The following PTPRD variants were observed in gnomAD, a reference collection of about 807,000 sequenced individuals.
PTPRD encodes protein tyrosine phosphatase receptor type D, also known as receptor-type tyrosine-protein phosphatase delta.
A neutral mutation model predicts 214.5 loss-of-function variants in PTPRD; 34 were observed. That is an observed-to-expected ratio of 0.16 (90% CI 0.12 to 0.21). The LOEUF (loss-of-function observed/expected upper bound fraction) is 0.21, where lower values mean the gene tolerates loss of function less well. Among genes scored for constraint, PTPRD ranks in the 10% least tolerant of loss-of-function variants. PTPRD has a pLI of 1.00. For missense variants in PTPRD, 2,545 were observed against 2,398.7 expected, an observed-to-expected ratio of 1.06 and a Z score of -1.27; for synonymous variants, 1,128 against 845.7, an observed-to-expected ratio of 1.33 and a Z score of -5.79.
intron 3 of PTPRD, among the ~76,000 whole-genome samples, chr9:10,101,221 C>G (rs1043383698): frequency 1.3e-5 from 2 of 151,438 alleles, no homozygotes; most frequent in African/African-American, 4.8e-5. Context: ...GCCTAGAAAG[C>G]AAGTAAAAGT....
intron 2 of PTPRD, among the ~76,000 whole-genome samples, chr9:10,446,041 G>A (rs769706218): frequency 9.9e-5 from 15 of 151,954 alleles, no homozygotes; most frequent in Non-Finnish European, 1.9e-4. Context: ...CTTAACACAG[G>A]ATCCAGTATC....
At chr9:10,511,038 TAC>T (rs2047844135) in intron 2 of PTPRD, among the ~76,000 whole-genome samples, 3 of 124,650 alleles carry the variant, frequency 2.4e-5, no homozygotes, top group Admixed American at 7.3e-5. Flanking sequence ...TTATGATTCA[TAC>T]ATGTTATTGT....
At chr9:9,894,278 G>C (rs893231876) in intron 5 of PTPRD, among the ~76,000 whole-genome samples, 1 of 151,954 alleles carries the variant, frequency 6.6e-6, no homozygotes, top group African/African-American at 2.4e-5. Context: ...CTTCTGGAAA[G>C]CAATTCAGAT....
intron 2 of PTPRD, among the ~76,000 whole-genome samples, chr9:10,412,437 A>G (rs975515960): frequency 4.0e-5 from 6 of 151,256 alleles, no homozygotes; most frequent in African/African-American, 1.5e-4. Flanking sequence ...CTGCCAACCA[A>G]AAAAAAAGCT....
At chr9:9,358,960 C>A (rs2001) in intron 9 of PTPRD, among the ~76,000 whole-genome samples, 1 of 151,110 alleles carries the variant, frequency 6.6e-6, no homozygotes, top group African/African-American at 2.4e-5. Context: ...CTTCTAAAAA[C>A]AATTTCAGGA....
At chr9:8,426,489 T>C (rs967843344) in intron 35 of PTPRD, among the ~76,000 whole-genome samples, 3 of 152,274 alleles carry the variant, frequency 2.0e-5, no homozygotes, top group African/African-American at 7.2e-5. Flanking sequence ...CTCTTGGAAG[T>C]TGAAAGCTTG....
At chr9:9,768,368 A>G (rs1370496097) in intron 5 of PTPRD, among the ~76,000 whole-genome samples, 3 of 152,208 alleles carry the variant, frequency 2.0e-5, no homozygotes, top group Non-Finnish European at 2.9e-5. Flanking sequence ...TTTGAAAAGT[A>G]AAATATTAAA....
At chr9:9,912,014 A>T (rs951981962) in intron 5 of PTPRD, among the ~76,000 whole-genome samples, 5 of 152,120 alleles carry the variant, frequency 3.3e-5, no homozygotes, top group Admixed American at 6.6e-5. Flanking sequence ...TAATTTGAGA[A>T]TGTCAATCAA....
In PTPRD at chr9:8,341,280, G is replaced by GA. The variant is rs367982541; in HGVS notation, c.4948-13dup. On this transcript the variant is annotated splice_polypyrimidine_tract_variant and intron_variant, in intron 40 of 45. Transcript: ENST00000381196. Reference sequence around the variant, plus strand: ...GAGCTGGCTAGACGCTGTTGAATAGGAAAAAAAAAAAAGGAAAAACCCAAC... The same window carrying GA: ...GAGCTGGCTAGACGCTGTTGAATAGGAAAAAAAAAAAAAGGAAAAACCCAAC... 0.058 allele frequency: 60,367 copies of GA among 1,049,072 alleles called. 27 individuals are homozygous for GA. Among genetic ancestry groups the GA allele is most frequent in the Non-Finnish European group, 0.065 (48,667 of 754,372 alleles). The allele number at this position is 1,049,072 out of a possible 1,614,324, so 65.0% of individuals were successfully genotyped here. A position where few individuals can be genotyped will look rare whatever the true frequency, so the allele number is the denominator to read the frequency against.
chr9:8,959,857 G>A (rs2099149978), intron 11 of PTPRD, among the ~76,000 whole-genome samples: 2 of 151,972 alleles, frequency 1.3e-5, no homozygotes, highest in South Asian at 2.1e-4. Context: ...AACATTCTCA[G>A]TTTTATAAAA....
At chr9:8,795,956 T>C (rs956918030) in intron 11 of PTPRD, among the ~76,000 whole-genome samples, 1 of 152,208 alleles carries the variant, frequency 6.6e-6, no homozygotes. Context: ...AGTTACACTA[T>C]GGAGCAAAGT....
At chr9:9,402,248 A>C (rs2141404832) in intron 8 of PTPRD, among the ~76,000 whole-genome samples, 1 of 152,226 alleles carries the variant, frequency 6.6e-6, no homozygotes, top group South Asian at 2.1e-4. Context: ...CTGAAGAAAA[A>C]AGTGGAAATG....
chr9:10,049,404 AAAAAAAG>A (rs1376168402), intron 3 of PTPRD, among the ~76,000 whole-genome samples: 3 of 109,366 alleles, frequency 2.7e-5, no homozygotes, highest in Non-Finnish European at 5.5e-5. Context: ...TGGTTAAAAA[AAAAAAAG>A]AAAGAAAGAA....
At chr9:8,915,538 T>TAC (rs1028311967) in intron 11 of PTPRD, among the ~76,000 whole-genome samples, 37 of 152,058 alleles carry the variant, frequency 2.4e-4, no homozygotes, top group Middle Eastern at 3.4e-3. Flanking sequence ...TTTACAAGTA[T>TAC]ACACACACAC....
At chr9:9,586,160 T>C (rs1382621240) in intron 7 of PTPRD, among the ~76,000 whole-genome samples, 1 of 151,948 alleles carries the variant, frequency 6.6e-6, no homozygotes, top group Non-Finnish European at 1.5e-5. Context: ...CTGTTAACCA[T>C]TTGTATATTC....
At chr9:8,467,356 C>T (rs911004917) in intron 31 of PTPRD, among the ~76,000 whole-genome samples, 2 of 151,766 alleles carry the variant, frequency 1.3e-5, no homozygotes, top group African/African-American at 4.8e-5. Flanking sequence ...TTTAGCTTTA[C>T]TTATAATACT....
chr9:9,950,848 T>G lies in PTPRD; in HGVS notation c.-471-12238A>C, dbSNP rs72692758. Reference sequence around the variant, plus strand: ...TTTTCCTCATTTTTCCTTCCCTCATTCCTATTACATGGGAGTATGGTCTCA... The same window carrying G: ...TTTTCCTCATTTTTCCTTCCCTCATGCCTATTACATGGGAGTATGGTCTCA... On this transcript the variant is annotated intron_variant, in intron 4 of 45. Coordinates refer to ENST00000381196, the MANE Select transcript of PTPRD (RefSeq NM_002839.4). Among the ~76,000 whole-genome samples, 616 of 151,750 alleles carry G rather than the reference T, an allele frequency of 4.1e-3. 1 individual carries two copies. Among genetic ancestry groups the G allele is most frequent in the Non-Finnish European group, 6.9e-3 (468 of 67,812 alleles).
intron 8 of PTPRD, among the ~76,000 whole-genome samples, chr9:9,541,038 G>T (rs958623658): frequency 4.6e-5 from 7 of 151,646 alleles, no homozygotes; most frequent in African/African-American, 1.7e-4. Flanking sequence ...CTCGTTCTAG[G>T]AGCAACTATA....
intron 3 of PTPRD, among the ~76,000 whole-genome samples, chr9:10,297,062 G>A (rs1596389189): frequency 6.8e-6 from 1 of 147,588 alleles, no homozygotes; most frequent in East Asian, 2.0e-4. Context: ...GAGTTTCCAG[G>A]GAACATAGAG....
Sources: allele counts gnomAD v4.1 joint callset (sites outside exome capture counted in the v4.1 genomes callset), GRCh38; gene constraint gnomAD v4.1.1; transcripts MANE v1.5; gene names NCBI Gene and HGNC (gene_info 2026-07-23, HGNC 2026-07-21).